Variants in UXS1 observed in about 807,000 individuals in gnomAD.
UXS1 encodes UDP-glucuronic acid decarboxylase 1.
UXS1 carries 33 observed loss-of-function variants against 62.6 expected under a neutral mutation model. The ratio of observed to expected loss-of-function variants is 0.53; its 90% CI spans 0.40 to 0.70. UXS1 has a LOEUF of 0.70. Ranked by LOEUF, UXS1 falls within the 30% of genes least tolerant of loss-of-function variation. The probability of loss-of-function intolerance (pLI) is 0.00; values close to 1 mark genes in which losing one functional copy is unlikely to be tolerated. For missense variants in UXS1, 434 were observed against 556.3 expected, an observed-to-expected ratio of 0.78 and a Z score of 2.21; for synonymous variants, 213 against 206.8, an observed-to-expected ratio of 1.03 and a Z score of -0.26.
intron 5 of UXS1, among the ~76,000 whole-genome samples, chr2:106,157,671 T>A (rs952729794): frequency 3.9e-5 from 6 of 152,236 alleles, no homozygotes; most frequent in African/African-American, 1.2e-4. Context: ...ACCCATACAA[T>A]GGAGCATTGT....
At chr2:106,127,444 A>G (rs1680053007) in intron 7 of UXS1, among the ~76,000 whole-genome samples, 1 of 152,246 alleles carries the variant, frequency 6.6e-6, no homozygotes, top group Non-Finnish European at 1.5e-5. Flanking sequence ...TTCAAAAACA[A>G]CTGAGTTTAA....
intron 6 of UXS1, among the ~76,000 whole-genome samples, chr2:106,144,462 C>G (rs931372226): frequency 6.6e-6 from 1 of 152,096 alleles, no homozygotes; most frequent in African/African-American, 2.4e-5. Flanking sequence ...AAACTTTTTG[C>G]CTTTGTGGGA....
intron 14 of UXS1, among the ~76,000 whole-genome samples, chr2:106,094,759 C>G (rs553257528): frequency 6.6e-6 from 1 of 152,192 alleles, no homozygotes; most frequent in Non-Finnish European, 1.5e-5. Flanking sequence ...AGGAAACCAG[C>G]CAGATCAACT....
chr2:106,148,604 C>T (rs958231109), intron 5 of UXS1, among the ~76,000 whole-genome samples: 1 of 152,300 alleles, frequency 6.6e-6, no homozygotes, highest in African/African-American at 2.4e-5. Flanking sequence ...GACTAAAATG[C>T]ACTGGAATTT....
chr2:106,186,022 G>C (rs975124629), intron 1 of UXS1, among the ~76,000 whole-genome samples: 1 of 152,176 alleles, frequency 6.6e-6, no homozygotes, highest in Non-Finnish European at 1.5e-5. Context: ...CTAATACAGT[G>C]AGAGAAGAAA....
chr2:106,137,218 C>G (rs949384359), intron 6 of UXS1, among the ~76,000 whole-genome samples: 2 of 152,124 alleles, frequency 1.3e-5, no homozygotes, highest in Non-Finnish European at 2.9e-5. Flanking sequence ...AAATAAAAGA[C>G]AAACTAATAT....
At chr2:106,138,782 A>G in intron 6 of UXS1, 2 of 985,480 alleles carry the variant, frequency 2.0e-6, no homozygotes, top group South Asian at 9.4e-5. Flanking sequence ...ATTTGAGAGG[A>G]AACTGAAAAC....
chr2:106,111,246 G>T (rs1335844055), intron 10 of UXS1, among the ~76,000 whole-genome samples: 3 of 152,182 alleles, frequency 2.0e-5, no homozygotes, highest in African/African-American at 7.2e-5. Flanking sequence ...GGATGTGCTG[G>T]TGGATCTGTG....
At chr2:106,130,489 A>G (rs1680357048) in intron 6 of UXS1, among the ~76,000 whole-genome samples, 1 of 152,202 alleles carries the variant, frequency 6.6e-6, no homozygotes, top group Admixed American at 6.5e-5. Flanking sequence ...CTTCCAGACA[A>G]AGTCCATGTC....
intron 8 of UXS1, among the ~76,000 whole-genome samples, chr2:106,123,486 A>T (rs1385602934): frequency 6.6e-6 from 1 of 152,190 alleles, no homozygotes; most frequent in Non-Finnish European, 1.5e-5. Context: ...TTGAAAAAAA[A>T]TGAAAAACGC....
chr2:106,145,174 T>G lies in UXS1; in HGVS notation c.472+16A>C. 6.2e-7 allele frequency: 1 copy of G among 1,610,094 alleles called. No individual in the cohort carries two copies. The highest frequency in any genetic ancestry group is 8.5e-7 in the Non-Finnish European group (1 of 1,177,688). On this transcript the variant is annotated intron_variant, in intron 6 of 14. Coordinates refer to ENST00000283148, the MANE Select transcript of UXS1 (RefSeq NM_001253875.2). Reference sequence around the variant, plus strand: ...TGCGGAGCTCTGAATAATAACAATGTGCAGTTTTCACTCACCCTCGATGTA... The same window carrying G: ...TGCGGAGCTCTGAATAATAACAATGGGCAGTTTTCACTCACCCTCGATGTA...
chr2:106,099,532 C>T (rs905845443), intron 12 of UXS1, among the ~76,000 whole-genome samples: 1 of 152,082 alleles, frequency 6.6e-6, no homozygotes, highest in African/African-American at 2.4e-5. Flanking sequence ...GGATGACTAG[C>T]GAAGTGGAGT....
At chr2:106,140,081 A>G (rs1437610228) in intron 6 of UXS1, among the ~76,000 whole-genome samples, 1 of 152,230 alleles carries the variant, frequency 6.6e-6, no homozygotes, top group Non-Finnish European at 1.5e-5. Flanking sequence ...ATAAAGACCA[A>G]ATTTCTCTCG....
rs1209102084 is a variant in UXS1, at chr2:106,138,359, C to T, written c.472+6831G>A. ...ATTCACACATGCCTTCCTCACTAGA[C>T]GATGAGCTCACTGAGCACAAGATGC... On this transcript the variant is annotated intron_variant, in intron 6 of 14. Coordinates refer to ENST00000283148, the MANE Select transcript of UXS1 (RefSeq NM_001253875.2). The T allele has an allele frequency of 1.4e-5, 14 of 985,474 alleles. No homozygotes were observed. In the South Asian group the frequency reaches 1.9e-4, roughly 13 times the overall value. 61.0% of individuals were successfully genotyped at this position (985,474 alleles called of 1,614,324 possible).
intron 1 of UXS1, among the ~76,000 whole-genome samples, chr2:106,171,740 A>G (rs1430157894): frequency 1.3e-5 from 2 of 152,236 alleles, no homozygotes; most frequent in Non-Finnish European, 2.9e-5. Context: ...ATACCTGTCC[A>G]TTTTAAATGG....
intron 1 of UXS1, among the ~76,000 whole-genome samples, chr2:106,191,510 C>T (rs1684934214): frequency 6.6e-6 from 1 of 152,258 alleles, no homozygotes; most frequent in South Asian, 2.1e-4. Flanking sequence ...CTTATTAACA[C>T]TGCCTCCACC....
intron 4 of UXS1, among the ~76,000 whole-genome samples, chr2:106,162,698 A>C (rs1682972512): frequency 6.6e-6 from 1 of 152,270 alleles, no homozygotes; most frequent in African/African-American, 2.4e-5. Context: ...TATATTACTA[A>C]GGAATCTGTT....
chr2:106,128,218 G>A (rs532880933), intron 7 of UXS1, among the ~76,000 whole-genome samples: 15 of 152,274 alleles, frequency 9.9e-5, no homozygotes, highest in Non-Finnish European at 1.6e-4. Flanking sequence ...AGGGCATCAC[G>A]CACACCTCTA....
intron 5 of UXS1, among the ~76,000 whole-genome samples, chr2:106,154,107 C>T (rs767001888): frequency 2.0e-5 from 3 of 152,104 alleles, no homozygotes; most frequent in Non-Finnish European, 4.4e-5. Flanking sequence ...GCATGCTGCA[C>T]TGGGAGTATC....
Sources: gnomAD v4.1 joint callset for allele counts (sites outside exome capture counted in the v4.1 genomes callset) on GRCh38, gnomAD v4.1.1 for gene constraint, MANE v1.5 for transcripts, NCBI Gene and HGNC (gene_info 2026-07-23, HGNC 2026-07-21) for gene names.